GALNT13: variants seen among roughly 807,000 people sequenced by gnomAD.
GALNT13 encodes the protein polypeptide N-acetylgalactosaminyltransferase 13.
GALNT13 carries 28 observed loss-of-function variants against 64.2 expected under a neutral mutation model. The observed-to-expected ratio is 0.44, with a 90% CI of 0.32 to 0.60. GALNT13 has a LOEUF of 0.60. Ranked by LOEUF, GALNT13 falls within the 20% of genes least tolerant of loss-of-function variation. The probability of loss-of-function intolerance (pLI) is 0.05; values close to 1 mark genes in which losing one functional copy is unlikely to be tolerated. For synonymous variants in GALNT13, 214 were observed against 224.6 expected, an observed-to-expected ratio of 0.95 and a Z score of 0.42; for missense variants, 577 against 669.8, an observed-to-expected ratio of 0.86 and a Z score of 1.53.
In GALNT13 at chr2:154,329,300, A is replaced by G. The variant is rs371206064; in HGVS notation, c.1156+27711A>G. ...TTTGTATTAGTAGAGACAGGGTTTC[A>G]CCATATTGGTCAGGCTGGTCTTGAA... On this transcript the variant is annotated intron_variant, in intron 9 of 12. Coordinates refer to ENST00000392825, the MANE Select transcript of GALNT13 (RefSeq NM_052917.4). 4.0e-4 allele frequency among the ~76,000 whole-genome samples: 61 copies of G among 152,182 alleles called. No homozygotes were observed. In the East Asian group the frequency reaches 8.5e-3, roughly 21 times the overall value.
chr2:153,906,623 A>AT (rs1386689029), intron 2 of GALNT13, among the ~76,000 whole-genome samples: 1 of 151,304 alleles, frequency 6.6e-6, no homozygotes, highest in Non-Finnish European at 1.5e-5. Flanking sequence ...TATGTGCCAC[A>AT]TTTTCTTAAT....
chr2:153,135,826 T>A, the GALNT13 span, among the ~76,000 whole-genome samples: 1 of 152,106 alleles, frequency 6.6e-6, no homozygotes, highest in Non-Finnish European at 1.5e-5. Context: ...TATGCATAGG[T>A]GATGTTCTAC....
chr2:153,828,940 A>G, the GALNT13 span, among the ~76,000 whole-genome samples: 3 of 152,122 alleles, frequency 2.0e-5, no homozygotes, highest in Non-Finnish European at 4.4e-5. Flanking sequence ...AAATTCCACA[A>G]ATCTCTCAGG....
intron 3 of GALNT13, among the ~76,000 whole-genome samples, chr2:153,974,643 A>G (rs1296108634): frequency 6.6e-6 from 1 of 152,030 alleles, no homozygotes; most frequent in Non-Finnish European, 1.5e-5. Context: ...ATAAGTGGAT[A>G]TGGGGCTATT....
the GALNT13 span, among the ~76,000 whole-genome samples, chr2:153,476,723 T>C: frequency 6.6e-6 from 1 of 152,170 alleles, no homozygotes; most frequent in Non-Finnish European, 1.5e-5. Context: ...TCTTTTAACG[T>C]GGTCTTTTTG....
At chr2:153,943,651 T>C (rs780391040) in intron 2 of GALNT13, among the ~76,000 whole-genome samples, 72 of 151,916 alleles carry the variant, frequency 4.7e-4, no homozygotes, top group Non-Finnish European at 8.4e-4. Context: ...CGTGCCACCA[T>C]GCCTGGCTAA....
the GALNT13 span, among the ~76,000 whole-genome samples, chr2:153,175,849 G>A: frequency 1.3e-5 from 2 of 152,202 alleles, no homozygotes; most frequent in Non-Finnish European, 2.9e-5. Context: ...GCAAGCATTT[G>A]TTGATTGAGG....
the GALNT13 span, among the ~76,000 whole-genome samples, chr2:153,859,821 T>C: frequency 5.9e-5 from 9 of 152,278 alleles, no homozygotes; most frequent in East Asian, 7.7e-4. Context: ...AATGGAAGAC[T>C]TTACAAAGAC....
the GALNT13 span, among the ~76,000 whole-genome samples, chr2:153,497,576 C>T: frequency 4.3e-3 from 481 of 110,838 alleles, 4 homozygotes; most frequent in African/African-American, 0.016. Flanking sequence ...TTCACTCCGT[C>T]TCCCAGGCTG....
intron 3 of GALNT13, among the ~76,000 whole-genome samples, chr2:154,043,414 TTATATATATATATATA>T (rs1179722579): frequency 1.4e-4 from 11 of 78,260 alleles, no homozygotes; most frequent in African/African-American, 3.3e-4. Context: ...ATAAGGACTT[TTATATATATATATATA>T]TATATATATA....
At chr2:153,701,398 GA>G in the GALNT13 span, among the ~76,000 whole-genome samples, 1 of 152,130 alleles carries the variant, frequency 6.6e-6, no homozygotes, top group Non-Finnish European at 1.5e-5. Context: ...AACCCTAGAA[GA>G]AAACCCAGGC....
chr2:153,682,277 A>C, the GALNT13 span, among the ~76,000 whole-genome samples: 1 of 151,608 alleles, frequency 6.6e-6, no homozygotes, highest in African/African-American at 2.4e-5. Context: ...CTTTTCTTTA[A>C]ATCCTCCTGC....
intron 4 of GALNT13, among the ~76,000 whole-genome samples, chr2:154,229,938 C>T (rs921410757): frequency 2.0e-5 from 3 of 152,020 alleles, no homozygotes; most frequent in South Asian, 2.1e-4. Flanking sequence ...TTTAGATTTG[C>T]GTTTTTGTCT....
At chr2:154,284,302 T>A (rs1482191566) in intron 8 of GALNT13, among the ~76,000 whole-genome samples, 2 of 152,154 alleles carry the variant, frequency 1.3e-5, no homozygotes, top group Non-Finnish European at 2.9e-5. Context: ...TGTAATCTAC[T>A]TTCTCTTTCT....
the GALNT13 span, among the ~76,000 whole-genome samples, chr2:153,121,241 T>C: frequency 6.6e-6 from 1 of 152,230 alleles, no homozygotes; most frequent in Non-Finnish European, 1.5e-5. Flanking sequence ...CTGTAACCAA[T>C]TAATTTACAA....
chr2:153,399,285 C>A, the GALNT13 span, among the ~76,000 whole-genome samples: 1 of 152,050 alleles, frequency 6.6e-6, no homozygotes, highest in African/African-American at 2.4e-5. Context: ...TGATCTATAT[C>A]TCTGTTTTGG....
chr2:154,321,858 A>G (rs2105164494), intron 9 of GALNT13, among the ~76,000 whole-genome samples: 1 of 152,304 alleles, frequency 6.6e-6, no homozygotes, highest in Non-Finnish European at 1.5e-5. Flanking sequence ...TTTGTGCATA[A>G]TAAAATGACA....
At chr2:153,378,008 T>C in the GALNT13 span, among the ~76,000 whole-genome samples, 1 of 152,298 alleles carries the variant, frequency 6.6e-6, no homozygotes, top group African/African-American at 2.4e-5. Context: ...TTAATCACTT[T>C]ATTATCTTTG....
the GALNT13 span, among the ~76,000 whole-genome samples, chr2:153,108,901 G>A: frequency 6.6e-6 from 1 of 152,124 alleles, no homozygotes. Context: ...CATTCAATAA[G>A]TAGTATATGT....
Sources: allele counts gnomAD v4.1 joint callset (sites outside exome capture counted in the v4.1 genomes callset), GRCh38; gene constraint gnomAD v4.1.1; transcripts MANE v1.5; gene names NCBI Gene and HGNC (gene_info 2026-07-23, HGNC 2026-07-21).